The following TRAPPC9 variants were observed in gnomAD, a reference collection of about 807,000 sequenced individuals.
TRAPPC9 encodes IKK2 binding protein.
In TRAPPC9, 83 loss-of-function variants were observed where a neutral mutation model predicts 124.0. That is an observed-to-expected ratio of 0.67 (90% CI 0.56 to 0.80). The LOEUF (loss-of-function observed/expected upper bound fraction) is 0.80, where lower values mean the gene tolerates loss of function less well. TRAPPC9 is among the 30% of genes least tolerant of loss of function. The probability of loss-of-function intolerance (pLI) is 0.00; values close to 1 mark genes in which losing one functional copy is unlikely to be tolerated. For synonymous variants in TRAPPC9, 638 were observed against 617.5 expected (o/e 1.03, Z -0.49); for missense variants, 1,302 against 1,508.3 (o/e 0.86, Z 2.27).
intron 21 of TRAPPC9, among the ~76,000 whole-genome samples, chr8:139,790,534 C>G (rs1203446170): frequency 1.3e-5 from 2 of 152,222 alleles, no homozygotes; most frequent in Non-Finnish European, 2.9e-5. Flanking sequence ...GGTTGGGGTT[C>G]TCACCAGGGG....
At chr8:140,230,208 A>G (rs2063557415) in intron 16 of TRAPPC9, among the ~76,000 whole-genome samples, 1 of 152,240 alleles carries the variant, frequency 6.6e-6, no homozygotes, top group Non-Finnish European at 1.5e-5. Flanking sequence ...GGACAAAGAC[A>G]CTGGCCACAC....
intron 21 of TRAPPC9, among the ~76,000 whole-genome samples, chr8:139,804,464 C>T: frequency 7.5e-6 from 1 of 133,408 alleles, no homozygotes; most frequent in Non-Finnish European, 1.6e-5. Flanking sequence ...ACCACCACCA[C>T]TCACCACCAC....
rs113143558 is a variant in TRAPPC9 at position 139,876,260 on chromosome 8, G to A, written c.3055+9619C>T. Among the ~76,000 whole-genome samples, 13 of 152,322 alleles carry A rather than the reference G, an allele frequency of 8.5e-5. No homozygotes were observed. In the South Asian group the frequency reaches 1.7e-3, roughly 19 times the overall value. ...AGGCAGAGCACTGGCTGCTGGCACC[G>A]TGGGCTCCAGACTCCTGAACGGAGC... On this transcript the variant is annotated intron_variant, in intron 21 of 22. Transcript: ENST00000438773.
intron 21 of TRAPPC9, among the ~76,000 whole-genome samples, chr8:139,792,066 C>T (rs568796285): frequency 3.9e-5 from 6 of 152,190 alleles, no homozygotes; most frequent in Non-Finnish European, 8.8e-5. Context: ...CGCCGCCTGC[C>T]GCCTATTCTT....
chr8:139,863,398 C>A (rs2130992449), intron 21 of TRAPPC9, among the ~76,000 whole-genome samples: 1 of 152,306 alleles, frequency 6.6e-6, no homozygotes, highest in African/African-American at 2.4e-5. Context: ...GTGCGCCTGG[C>A]CCCTACATGC....
chr8:139,965,297 C>A (rs972350890), intron 19 of TRAPPC9, among the ~76,000 whole-genome samples: 3 of 152,196 alleles, frequency 2.0e-5, no homozygotes, highest in African/African-American at 7.2e-5. Flanking sequence ...CCCTCTATAA[C>A]TTGCAATGTT....
chr8:140,240,355 G>C (rs1411481826), intron 16 of TRAPPC9, among the ~76,000 whole-genome samples: 2 of 152,178 alleles, frequency 1.3e-5, no homozygotes, highest in African/African-American at 4.8e-5. Flanking sequence ...AATGGTGACA[G>C]TGCGCAGGGG....
At position 140,157,242 on chromosome 8, in the gene TRAPPC9, A is replaced by G. The variant is rs866717525; in HGVS notation, c.2556+64217T>C. ...TTCAAAAGCCTCCCTTTTCCATTCA[A>G]AAGCCTCCCTTTTCCATTCAAAAGC... On this transcript the variant is annotated intron_variant, in intron 17 of 22. Coordinates refer to ENST00000438773, the MANE Select transcript of TRAPPC9 (RefSeq NM_001160372.4). 1.8e-3 allele frequency among the ~76,000 whole-genome samples: 29 copies of G among 15,844 alleles called. 2 individuals carry two copies. Among genetic ancestry groups the G allele is most frequent in the East Asian group, 0.01 (3 of 294 alleles). The allele number at this position is 15,844 out of a possible 152,430, so 10.4% of individuals were successfully genotyped here.
intron 19 of TRAPPC9, among the ~76,000 whole-genome samples, chr8:139,980,047 G>A (rs1836783469): frequency 1.1e-5 from 1 of 90,474 alleles, no homozygotes; most frequent in African/African-American, 4.5e-5. Flanking sequence ...ATTCCTGCAG[G>A]TACCCCCCAG....
intron 21 of TRAPPC9, among the ~76,000 whole-genome samples, chr8:139,855,482 G>A (rs151046662): frequency 1.2e-3 from 178 of 152,202 alleles, no homozygotes; most frequent in African/African-American, 3.9e-3. Flanking sequence ...GTGGAGACCC[G>A]AGAGGATAAA....
chr8:139,838,163 G>C (rs955558596), intron 21 of TRAPPC9, among the ~76,000 whole-genome samples: 1 of 152,162 alleles, frequency 6.6e-6, no homozygotes, highest in African/African-American at 2.4e-5. Flanking sequence ...CTCCATCCGT[G>C]ACTTGCCTCT....
intron 17 of TRAPPC9, among the ~76,000 whole-genome samples, chr8:140,162,992 A>G (rs74730641): frequency 6.6e-6 from 1 of 151,556 alleles, no homozygotes; most frequent in African/African-American, 2.4e-5. Flanking sequence ...ACCCTGTCTC[A>G]AAAAAAAAGA....
chr8:140,458,275 G>A (rs376367358), upstream of TRAPPC9: 162 of 1,553,186 alleles, frequency 1.0e-4, no homozygotes, highest in African/African-American at 1.7e-3. Flanking sequence ...TGTCCCCGCC[G>A]CTTACCAGTC....
At chr8:139,746,021 T>C (rs1818858533) in intron 21 of TRAPPC9, among the ~76,000 whole-genome samples, 1 of 152,210 alleles carries the variant, frequency 6.6e-6, no homozygotes, top group Non-Finnish European at 1.5e-5. Context: ...AACCCAGGTC[T>C]CCCTGGCACC....
intron 14 of TRAPPC9, among the ~76,000 whole-genome samples, chr8:140,276,768 T>A (rs528745119): frequency 6.6e-6 from 1 of 151,944 alleles, no homozygotes; most frequent in African/African-American, 2.4e-5. Context: ...CTGGAGAAGT[T>A]TGGCCACAGG....
At chr8:140,424,702 A>G (rs1472721925) in intron 5 of TRAPPC9, among the ~76,000 whole-genome samples, 3 of 152,046 alleles carry the variant, frequency 2.0e-5, no homozygotes, top group Non-Finnish European at 4.4e-5. Context: ...AGTTTTAAGA[A>G]TCATTCCACT....
chr8:139,906,453 C>G (rs1435899411), intron 20 of TRAPPC9, among the ~76,000 whole-genome samples: 1 of 152,156 alleles, frequency 6.6e-6, no homozygotes, highest in African/African-American at 2.4e-5. Context: ...CCCGGGGGTG[C>G]CCAATCACAC....
chr8:139,901,450 C>T (rs1055197099), intron 20 of TRAPPC9, among the ~76,000 whole-genome samples: 5 of 152,190 alleles, frequency 3.3e-5, no homozygotes, highest in Non-Finnish European at 5.9e-5. Context: ...AGTGCCCCAG[C>T]GTCTCAGCTG....
At chr8:140,043,243 T>C (rs915079309) in intron 17 of TRAPPC9, among the ~76,000 whole-genome samples, 13 of 152,204 alleles carry the variant, frequency 8.5e-5, no homozygotes, top group Non-Finnish European at 1.5e-4. Context: ...ATATCTTACA[T>C]AGGCCAATTG....
Sources: allele counts gnomAD v4.1 joint callset (sites outside exome capture counted in the v4.1 genomes callset), GRCh38; gene constraint gnomAD v4.1.1; transcripts MANE v1.5; gene names NCBI Gene and HGNC (gene_info 2026-07-23, HGNC 2026-07-21).